Variants in CLXN observed in about 807,000 individuals in gnomAD.
CLXN encodes the protein calaxin.
At chr8:48,731,600 C>T in the CLXN span, 4 of 968,090 alleles carry the variant, frequency 4.1e-6, no homozygotes, top group Non-Finnish European at 5.8e-6. Context: ...ACGTCAAAGA[C>T]ATCAAATAGG....
At chr8:48,717,777 T>C in the CLXN span, among the ~76,000 whole-genome samples, 2 of 152,088 alleles carry the variant, frequency 1.3e-5, no homozygotes, top group Non-Finnish European at 2.9e-5. Flanking sequence ...AAAAGTATGG[T>C]TTTTGTGTGT....
At chr8:48,730,318 G>T in the CLXN span, among the ~76,000 whole-genome samples, 1 of 151,992 alleles carries the variant, frequency 6.6e-6, no homozygotes, top group African/African-American at 2.4e-5. Flanking sequence ...GTCTTCCTTC[G>T]CATAAATTAC....
chr8:48,727,221 T>G, the CLXN span, among the ~76,000 whole-genome samples: 2 of 102,878 alleles, frequency 1.9e-5, no homozygotes, highest in Non-Finnish European at 3.6e-5. Flanking sequence ...CACTCATCCA[T>G]CCATCCATCC....
the CLXN span, among the ~76,000 whole-genome samples, chr8:48,719,112 A>G: frequency 6.6e-6 from 1 of 152,086 alleles, no homozygotes; most frequent in Admixed American, 6.5e-5. Flanking sequence ...TGGATGCTTC[A>G]GAAATAAAAA....
At chr8:48,719,921 T>C in the CLXN span, among the ~76,000 whole-genome samples, 1 of 152,104 alleles carries the variant, frequency 6.6e-6, no homozygotes, top group Non-Finnish European at 1.5e-5. Flanking sequence ...ATTAGACAAG[T>C]AAAAGAAGTT....
At chr8:48,718,004 G>A in the CLXN span, among the ~76,000 whole-genome samples, 5 of 152,136 alleles carry the variant, frequency 3.3e-5, no homozygotes, top group Non-Finnish European at 7.4e-5. Context: ...TGCTTTAAAT[G>A]ATTATAGATT....
At chr8:48,712,990 CAAA>C in the CLXN span, among the ~76,000 whole-genome samples, 23 of 99,494 alleles carry the variant, frequency 2.3e-4, no homozygotes, top group Non-Finnish European at 2.7e-4. Flanking sequence ...ACTCCTCTGT[CAAA>C]AAAAAAAAAA....
chr8:48,729,071 C>T, the CLXN span: 3 of 1,612,898 alleles, frequency 1.9e-6, no homozygotes, highest in Non-Finnish European at 1.7e-6. Flanking sequence ...GGCCCAAAGG[C>T]CTCCAGTAGA....
At chr8:48,735,244 T>G in the CLXN span, 30 of 1,429,854 alleles carry the variant, frequency 2.1e-5, 1 homozygote, top group Middle Eastern at 4.6e-4. Flanking sequence ...TGGTGCTGGG[T>G]CAACGCGGTG....
At chr8:48,713,697 C>T in the CLXN span, 3 of 152,096 alleles carry the variant, frequency 2.0e-5, no homozygotes, top group Non-Finnish European at 4.4e-5. Flanking sequence ...GCTTAGAATA[C>T]ATTAACCCTC....
At chr8:48,721,656 A>AGTCAACT in the CLXN span, among the ~76,000 whole-genome samples, 1 of 152,230 alleles carries the variant, frequency 6.6e-6, no homozygotes, top group Non-Finnish European at 1.5e-5. Context: ...AAGCATCTAC[A>AGTCAACT]GTCAACTGAT....
chr8:48,731,446 ACTC>A, the CLXN span: 3 of 1,613,388 alleles, frequency 1.9e-6, no homozygotes, highest in South Asian at 1.1e-5. Context: ...TTGCCTCTCT[ACTC>A]CTCCCACCAA....
the CLXN span, chr8:48,729,135 A>G: frequency 6.2e-7 from 1 of 1,612,822 alleles, no homozygotes; most frequent in Non-Finnish European, 8.5e-7. Context: ...GCTTCCCATC[A>G]TGGTCATGAT....
At chr8:48,724,934 A>T in the CLXN span, 17 of 607,994 alleles carry the variant, frequency 2.8e-5, 1 homozygote, top group African/African-American at 2.8e-4. Flanking sequence ...CTGGTGTTCA[A>T]GCGTTTCACT....
the CLXN span, among the ~76,000 whole-genome samples, chr8:48,721,143 A>G: frequency 6.6e-6 from 1 of 152,198 alleles, no homozygotes; most frequent in African/African-American, 2.4e-5. Context: ...TCAACTTACA[A>G]AAATCAGTCA....
At chr8:48,711,693 C>T in the CLXN span, 2 of 152,250 alleles carry the variant, frequency 1.3e-5, no homozygotes, top group Non-Finnish European at 2.9e-5. Flanking sequence ...GAGCTGGAGA[C>T]ACTCACTCAC....
the CLXN span, among the ~76,000 whole-genome samples, chr8:48,721,806 G>T: frequency 6.6e-6 from 1 of 152,238 alleles, no homozygotes; most frequent in African/African-American, 2.4e-5. Flanking sequence ...ACTCAAAGTG[G>T]ATTAAAGACT....
At chr8:48,731,340 T>G in the CLXN span, 1 of 1,597,568 alleles carries the variant, frequency 6.3e-7, no homozygotes, top group Non-Finnish European at 8.5e-7. Flanking sequence ...ATCTTGTGTG[T>G]CTCTTACCTC....
At chr8:48,734,174 T>A in the CLXN span, among the ~76,000 whole-genome samples, 1 of 152,312 alleles carries the variant, frequency 6.6e-6, no homozygotes, top group South Asian at 2.1e-4. Context: ...TAAAACTACA[T>A]CAACATGTTT....
Sources: gnomAD v4.1 joint callset for allele counts (sites outside exome capture counted in the v4.1 genomes callset) on GRCh38, gnomAD v4.1.1 for gene constraint, MANE v1.5 for transcripts, NCBI Gene and HGNC (gene_info 2026-07-23, HGNC 2026-07-21) for gene names.